The following UBA6 variants were observed in gnomAD, a reference collection of about 807,000 sequenced individuals.
The protein encoded by UBA6 is ubiquitin-like modifier-activating enzyme 6.
UBA6 carries 87 observed loss-of-function variants against 148.3 expected under a neutral mutation model. The observed-to-expected ratio is 0.59, with a 90% CI of 0.49 to 0.70. The LOEUF is 0.70. Among genes scored for constraint, UBA6 ranks in the 30% least tolerant of loss-of-function variants. The pLI, the probability that UBA6 is intolerant of heterozygous loss-of-function variation, is 0.00. For synonymous variants in UBA6, 376 were observed against 401.0 expected, an observed-to-expected ratio of 0.94 and a Z score of 0.75; for missense variants, 1,186 against 1,241.2, an observed-to-expected ratio of 0.96 and a Z score of 0.67.
chr4:67,649,077 C>T lies in UBA6; in HGVS notation c.1239G>A (p.Leu413=). 6.2e-7 allele frequency: 1 copy of T among 1,613,490 alleles called. No homozygotes were observed. Among genetic ancestry groups the T allele is most frequent in the Non-Finnish European group, 8.5e-7 (1 of 1,179,756 alleles). The change falls in exon 14 of 33, where the codon TTG becomes TTA. Residue 413 remains leucine (L), a synonymous_variant. Transcript: ENST00000322244. The part of the protein sequence containing the change: ...LKAVTGKFSP[L]CQWLYLEAAD... ...AAAACTCAGAACTAACCCACTGGCA[C>T]AAAGGAGAAAATTTTCCTGTTACAG...
In UBA6 at chr4:67,645,975, G is replaced by A; in HGVS notation, c.1358C>T (p.Thr453Ile). The A allele has an allele frequency of 1.3e-6, 2 of 1,600,006 alleles. No individual in the cohort carries two copies. The highest frequency in any genetic ancestry group is 2.3e-5 in the East Asian group (1 of 44,390). The change falls in exon 16 of 33, where the codon ACT becomes ATT. Residue 453 changes from threonine (T) to isoleucine (I), a missense_variant. Coordinates refer to ENST00000322244, the MANE Select transcript of UBA6 (RefSeq NM_018227.6). ...TAAATTTTGCAGTTTCTGACACAAA[G>A]TGTCTCCAATGCAAGCTCTTAAGGC... Reference protein sequence around the residue: ...YDALRACIGDTLCQKLQNLNI... With the variant: ...YDALRACIGDILCQKLQNLNI...
chr4:67,674,206 G>A (rs1398143768), intron 6 of UBA6, among the ~76,000 whole-genome samples: 3 of 152,166 alleles, frequency 2.0e-5, no homozygotes, highest in Non-Finnish European at 4.4e-5. Context: ...ATGTCCATCT[G>A]TGGATTTAGT....
chr4:67,659,914 T>C (rs1042520777), intron 13 of UBA6, among the ~76,000 whole-genome samples: 2 of 152,120 alleles, frequency 1.3e-5, no homozygotes, highest in African/African-American at 4.8e-5. Context: ...GGGACTAGAA[T>C]AAAGGTGACT....
rs1462337245 is a variant in UBA6, at chr4:67,700,009, A to AT, written c.71+1039dup. ...CAATAGGCCTGGTGGGTAAATCTGA[A>AT]TAAAAACGAGAACAGCTGCAGTCTA... On this transcript the variant is annotated intron_variant, in intron 1 of 32. Coordinates refer to ENST00000322244, the MANE Select transcript of UBA6 (RefSeq NM_018227.6). Among the ~76,000 whole-genome samples the AT allele has an allele frequency of 1.4e-4, 22 of 152,366 alleles. No individual in the cohort carries two copies. The East Asian group carries it at 4.2e-3, about 29-fold the overall frequency.
chr4:67,689,363 A>G (rs900901620), intron 2 of UBA6, among the ~76,000 whole-genome samples: 2 of 152,148 alleles, frequency 1.3e-5, no homozygotes, highest in East Asian at 1.9e-4. Flanking sequence ...GAGGAAATAA[A>G]CAACATTTGA....
At chr4:67,672,889 T>G (rs933577656) in intron 7 of UBA6, among the ~76,000 whole-genome samples, 1 of 152,194 alleles carries the variant, frequency 6.6e-6, no homozygotes, top group Non-Finnish European at 1.5e-5. Context: ...AGAACTGTCC[T>G]TCTCCCTACA....
At chr4:67,646,882 G>T in intron 14 of UBA6, 91 bp from the exon 15 acceptor site, 1 of 573,566 alleles carries the variant, frequency 1.7e-6, no homozygotes. Context: ...TAGTCATGAA[G>T]AAAAAAATGA....
At position 67,673,679 on chromosome 4, in the gene UBA6, A is replaced by G. The variant is rs764825826; in HGVS notation, c.546+18T>C. The G allele has an allele frequency of 2.5e-6, 4 of 1,569,392 alleles. No individual in the cohort carries two copies. The highest frequency in any genetic ancestry group is 3.5e-6 in the Non-Finnish European group (4 of 1,142,086). ...CTTCCTTGGTTAACTACATGTCATTACTAAATGATACAATTACCTTAATTG... is the reference window on the plus strand; with the variant it reads ...CTTCCTTGGTTAACTACATGTCATTGCTAAATGATACAATTACCTTAATTG... On this transcript the variant is annotated intron_variant, in intron 7 of 32. Transcript: ENST00000322244.
intron 6 of UBA6, among the ~76,000 whole-genome samples, chr4:67,676,211 A>G (rs1324298599): frequency 6.6e-6 from 1 of 151,960 alleles, no homozygotes; most frequent in East Asian, 1.9e-4. Context: ...ATTAGTAGAG[A>G]CAGGGTTTCT....
chr4:67,623,182 G>A lies in UBA6; in HGVS notation c.2881C>T (p.His961Tyr), dbSNP rs772526710. ...SFTIWDRWTVHGKEDFTLLDF... is the reference protein window; with the variant it reads ...SFTIWDRWTVYGKEDFTLLDF... ...AAGAGGGTGAAATCTTCTTTTCCATGTACGGTCCATCGATCCCAAATTGTA... is the reference window on the plus strand; with the variant it reads ...AAGAGGGTGAAATCTTCTTTTCCATATACGGTCCATCGATCCCAAATTGTA... Residue 961 changes from histidine (H) to tyrosine (Y), a missense_variant, in exon 31 of 33, where the codon CAT becomes TAT. His to Tyr is a moderately conservative substitution (Grantham distance 83, BLOSUM62 2). Coordinates refer to ENST00000322244, the MANE Select transcript of UBA6 (RefSeq NM_018227.6). 3.9e-5 allele frequency: 63 copies of A among 1,612,610 alleles called. No homozygotes were observed. The highest frequency in any genetic ancestry group is 5.0e-5 in the Non-Finnish European group (59 of 1,179,196).
At chr4:67,661,786 C>T (rs1035112790) in intron 13 of UBA6, 22 of 211,968 alleles carry the variant, frequency 1.0e-4, no homozygotes, top group Admixed American at 2.3e-4. Context: ...ATCTGATGTA[C>T]GAAATGTGAT....
intron 27 of UBA6, among the ~76,000 whole-genome samples, chr4:67,626,733 T>C (rs1449823175): frequency 6.6e-6 from 1 of 151,924 alleles, no homozygotes; most frequent in African/African-American, 2.4e-5. Context: ...ATGTATCTTG[T>C]TCACTGACAG....
chr4:67,657,044 A>T (rs890997770), intron 13 of UBA6, among the ~76,000 whole-genome samples: 1 of 152,222 alleles, frequency 6.6e-6, no homozygotes, highest in African/African-American at 2.4e-5. Flanking sequence ...ACACAAACAA[A>T]TGGAAGAACA....
At chr4:67,640,354 T>A (rs1284805099) in intron 18 of UBA6, among the ~76,000 whole-genome samples, 1 of 152,222 alleles carries the variant, frequency 6.6e-6, no homozygotes, top group Non-Finnish European at 1.5e-5. Flanking sequence ...AGCAAGGCAA[T>A]TAGATTAACT....
rs569283144 is a variant in UBA6, at chr4:67,661,068, G to C, written c.1104+1121C>G. On this transcript the variant is annotated intron_variant, in intron 13 of 32. Coordinates refer to ENST00000322244, the MANE Select transcript of UBA6 (RefSeq NM_018227.6). ...TTTATCTAATGTCTGTACCCTCACTGTATCTAGGAAGTAACTAACTTGCTT... is the reference window on the plus strand; with the variant it reads ...TTTATCTAATGTCTGTACCCTCACTCTATCTAGGAAGTAACTAACTTGCTT... Among the ~76,000 whole-genome samples the C allele has an allele frequency of 7.2e-5, 11 of 152,266 alleles. No homozygotes were observed. The South Asian group carries it at 1.9e-3, about 26-fold the overall frequency.
intron 11 of UBA6, 64 bp downstream of exon 11, chr4:67,663,821 A>G (rs1560492539): frequency 7.3e-7 from 1 of 1,369,442 alleles, no homozygotes; most frequent in Admixed American, 1.7e-5. Flanking sequence ...TAACTTCATA[A>G]TCACTCACTA....
intron 2 of UBA6, among the ~76,000 whole-genome samples, chr4:67,691,485 T>C (rs1002510623): frequency 1.3e-5 from 2 of 152,204 alleles, no homozygotes; most frequent in African/African-American, 4.8e-5. Context: ...TTAAAGCACA[T>C]GTGACTCTAT....
At chr4:67,667,239 G>A (rs140041117) in intron 9 of UBA6, among the ~76,000 whole-genome samples, 67 of 152,128 alleles carry the variant, frequency 4.4e-4, no homozygotes, top group African/African-American at 1.5e-3. Context: ...ATATGAACCT[G>A]TATTCAAAAT....
At chr4:67,656,164 G>A (rs1729686416) in intron 13 of UBA6, among the ~76,000 whole-genome samples, 2 of 152,190 alleles carry the variant, frequency 1.3e-5, no homozygotes, top group Non-Finnish European at 2.9e-5. Flanking sequence ...CAGAAAAAGA[G>A]GGAATCCTCC....
Sources: gnomAD v4.1 joint callset for allele counts (sites outside exome capture counted in the v4.1 genomes callset) on GRCh38, gnomAD v4.1.1 for gene constraint, MANE v1.5 for transcripts, NCBI Gene and HGNC (gene_info 2026-07-23, HGNC 2026-07-21) for gene names.